The following FAM184B variants were observed in gnomAD, a reference collection of about 807,000 sequenced individuals.
FAM184B encodes the protein family with sequence similarity 184 member B.
In FAM184B, 111 loss-of-function variants were observed where a neutral mutation model predicts 135.9. The ratio of observed to expected loss-of-function variants is 0.82; its 90% CI spans 0.70 to 0.96. The LOEUF (loss-of-function observed/expected upper bound fraction) is 0.96. Ranked by LOEUF, FAM184B falls within the 40% of genes least tolerant of loss-of-function variation. The pLI is 0.00. For missense variants in FAM184B, 1,375 were observed against 1,323.9 expected, an observed-to-expected ratio of 1.04 and a Z score of -0.60; for synonymous variants, 552 against 524.8, an observed-to-expected ratio of 1.05 and a Z score of -0.71.
chr4:17,670,832 G>A (rs1304700881), intron 7 of FAM184B, among the ~76,000 whole-genome samples: 2 of 152,154 alleles, frequency 1.3e-5, no homozygotes, highest in African/African-American at 4.8e-5. Flanking sequence ...TCCCATCCAC[G>A]TAATTCCATA....
At chr4:17,636,383 T>C (rs1377715303) in intron 15 of FAM184B, 145 bp downstream of exon 15, 1 of 663,502 alleles carries the variant, frequency 1.5e-6, no homozygotes, top group Non-Finnish European at 2.6e-6. Context: ...GATTACAGGC[T>C]TGAGCCACCG....
chr4:17,724,024 A>G (rs1038932999), intron 1 of FAM184B, among the ~76,000 whole-genome samples: 1 of 152,068 alleles, frequency 6.6e-6, no homozygotes, highest in Non-Finnish European at 1.5e-5. Flanking sequence ...TGCCACCACT[A>G]TACAATGTAT....
chr4:17,715,277 C>A (rs898384357), intron 1 of FAM184B, among the ~76,000 whole-genome samples: 58 of 152,010 alleles, frequency 3.8e-4, no homozygotes, highest in African/African-American at 1.4e-3. Context: ...GAGTTCGAGA[C>A]CAGCCTGGCC....
At chr4:17,737,098 C>T (rs551089370) in intron 1 of FAM184B, among the ~76,000 whole-genome samples, 43 of 151,514 alleles carry the variant, frequency 2.8e-4, no homozygotes, top group African/African-American at 1.0e-3. Flanking sequence ...GAGCTGAGAT[C>T]GTGCCATTGC....
intron 5 of FAM184B, among the ~76,000 whole-genome samples, chr4:17,698,949 A>G (rs1453784061): frequency 6.6e-6 from 1 of 152,142 alleles, no homozygotes; most frequent in Non-Finnish European, 1.5e-5. Context: ...TCTCATAAAG[A>G]GCAGAATAAA....
At chr4:17,637,016 G>C (rs910388457) in intron 14 of FAM184B, among the ~76,000 whole-genome samples, 1 of 152,106 alleles carries the variant, frequency 6.6e-6, no homozygotes, top group Non-Finnish European at 1.5e-5. Flanking sequence ...GCCAGTGGCC[G>C]GTACCTATGG....
intron 17 of FAM184B, 34 bp downstream of exon 17, chr4:17,633,655 G>C: frequency 2.1e-6 from 3 of 1,453,172 alleles, no homozygotes; most frequent in Non-Finnish European, 2.7e-6. Context: ...CAGGGAAATA[G>C]AATAAGGGCC....
rs116438654 is a variant in FAM184B, at chr4:17,663,318, G to A, written c.1694+1244C>T. 6.3e-3 allele frequency among the ~76,000 whole-genome samples: 963 copies of A among 152,220 alleles called. 12 individuals carry two copies. The highest frequency in any genetic ancestry group is 0.021 in the African/African-American group (873 of 41,518). ...TAGGTTTGCAGCACATGACAAAGAT[G>A]CCCTCTCTCACTCCTGTTCAACATA... On this transcript the variant is annotated intron_variant, in intron 8 of 17. Transcript: ENST00000265018.
intron 1 of FAM184B, among the ~76,000 whole-genome samples, chr4:17,720,883 TAAAAAAAAA>T (rs59409749): frequency 2.0e-5 from 2 of 100,330 alleles, no homozygotes; most frequent in Non-Finnish European, 4.0e-5. Flanking sequence ...AGACTTCATC[TAAAAAAAAA>T]AAAAAAAAAA....
chr4:17,664,869 G>A (rs1716009841), intron 7 of FAM184B, among the ~76,000 whole-genome samples: 1 of 152,140 alleles, frequency 6.6e-6, no homozygotes, highest in Non-Finnish European at 1.5e-5. Context: ...ATTAATGCCA[G>A]CCCTGAGCCC....
intron 13 of FAM184B, among the ~76,000 whole-genome samples, chr4:17,640,937 TTTG>T (rs1715291531): frequency 6.7e-6 from 1 of 150,214 alleles, no homozygotes; most frequent in Non-Finnish European, 1.5e-5. Flanking sequence ...TTTTGTTTTG[TTTG>T]TTTTGTTTTT....
chr4:17,709,588 C>G lies in FAM184B; in HGVS notation c.198G>C (p.Leu66=), dbSNP rs1355385856. 1.6e-5 allele frequency: 24 copies of G among 1,545,052 alleles called. No individual in the cohort carries two copies. The highest frequency in any genetic ancestry group is 2.7e-5 in the African/African-American group (2 of 72,806). The change falls in exon 2 of 18, where the codon CTG becomes CTC. Residue 66 remains leucine, a synonymous_variant. Coordinates refer to ENST00000265018, the MANE Select transcript of FAM184B (RefSeq NM_015688.2). Reference sequence around the variant, plus strand: ...GGAGCTCCTCCTGGTGCGCTTCCCGCAGCGCCTCCATGCTGGCCTCAGCCT... The same window carrying G: ...GGAGCTCCTCCTGGTGCGCTTCCCGGAGCGCCTCCATGCTGGCCTCAGCCT... The part of the protein sequence containing the change: ...QDEAEASMEA[L]REAHQEELQN...
intron 11 of FAM184B, among the ~76,000 whole-genome samples, chr4:17,652,146 T>TTTTTG (rs762642185): frequency 0.065 from 8,621 of 131,880 alleles, 576 homozygotes; most frequent in Non-Finnish European, 0.089. Flanking sequence ...TTTTTTTTTT[T>TTTTTG]TTGAGTCTTG....
chr4:17,773,539 T>C (rs1718864595), intron 1 of FAM184B, among the ~76,000 whole-genome samples: 1 of 152,170 alleles, frequency 6.6e-6, no homozygotes, highest in Non-Finnish European at 1.5e-5. Flanking sequence ...CTGTGTGTGG[T>C]CTGGGTTCTC....
At chr4:17,675,568 T>C (rs967264233) in intron 7 of FAM184B, among the ~76,000 whole-genome samples, 5 of 152,224 alleles carry the variant, frequency 3.3e-5, no homozygotes, top group African/African-American at 1.2e-4. Context: ...TTTGAAGCGT[T>C]GGAGCCAGGC....
At chr4:17,747,400 C>T (rs781720248) in intron 1 of FAM184B, among the ~76,000 whole-genome samples, 2 of 152,068 alleles carry the variant, frequency 1.3e-5, no homozygotes, top group African/African-American at 4.8e-5. Flanking sequence ...GTTTCTGGCA[C>T]GGACGTTATT....
rs1714880992 is a variant in FAM184B, at chr4:17,630,167, G to C, written c.*2365C>G. 1 of 152,168 alleles carries C rather than the reference G, an allele frequency of 6.6e-6. No homozygotes were observed. The highest frequency in any genetic ancestry group is 2.4e-5 in the African/African-American group (1 of 41,436). 9.4% of individuals were successfully genotyped at this position (152,168 alleles called of 1,614,324 possible). A position where few individuals can be genotyped will look rare whatever the true frequency, so the allele number is the denominator to read the frequency against. On this transcript the variant is annotated 3_prime_UTR_variant, in exon 18 of 18. Coordinates refer to ENST00000265018, the MANE Select transcript of FAM184B (RefSeq NM_015688.2). ...GACAGAAATGCAAAGTGCAGCCTGG[G>C]AAAGTGTTTCAACACACAAAAATAG...
At chr4:17,728,187 G>T (rs1717686946) in intron 1 of FAM184B, among the ~76,000 whole-genome samples, 1 of 152,134 alleles carries the variant, frequency 6.6e-6, no homozygotes, top group African/African-American at 2.4e-5. Flanking sequence ...TAGTGATGAT[G>T]AGGATGAAGA....
intron 1 of FAM184B, among the ~76,000 whole-genome samples, chr4:17,749,250 C>T (rs1718242303): frequency 6.6e-6 from 1 of 151,770 alleles, no homozygotes; most frequent in Admixed American, 6.6e-5. Flanking sequence ...GTTCAGGAAC[C>T]CATGGAATTA....
Sources: allele counts gnomAD v4.1 joint callset (sites outside exome capture counted in the v4.1 genomes callset), GRCh38; gene constraint gnomAD v4.1.1; transcripts MANE v1.5; gene names NCBI Gene and HGNC (gene_info 2026-07-23, HGNC 2026-07-21).